CFAP52: variants seen among roughly 807,000 people sequenced by gnomAD.
The protein encoded by CFAP52 is cilia- and flagella-associated protein 52.
CFAP52 carries 57 observed loss-of-function variants against 70.5 expected under a neutral mutation model. The ratio of observed to expected loss-of-function variants is 0.81; its 90% confidence interval spans 0.65 to 1.01. The LOEUF (loss-of-function observed/expected upper bound fraction) is 1.01. Ranked by LOEUF, CFAP52 falls within the 50% of genes least tolerant of loss-of-function variation. CFAP52 has a pLI of 0.00. For missense variants in CFAP52, 785 were observed against 788.5 expected, an observed-to-expected ratio of 1.00 and a Z score of 0.05; for synonymous variants, 267 against 292.5, an observed-to-expected ratio of 0.91 and a Z score of 0.89.
chr17:9,578,051 C>G (rs1168568125), intron 1 of CFAP52, among the ~76,000 whole-genome samples: 2 of 152,188 alleles, frequency 1.3e-5, no homozygotes. Flanking sequence ...AAGGTCACGC[C>G]ACTGCACTCC....
rs1022649622 is a variant in CFAP52, at chr17:9,576,649, G to C, written c.-47G>C. ...TCCGTTACCATAACGACCAGAAGAC[G>C]CTGCAGCCACTAGGGAGGAGAGCAA... On this transcript the variant is annotated 5_prime_UTR_variant, in exon 1 of 14. Transcript: ENST00000352665. 9 of 1,544,476 alleles carry C rather than the reference G, an allele frequency of 5.8e-6. No individual in the cohort carries two copies. The highest frequency in any genetic ancestry group is 7.9e-6 in the Non-Finnish European group (9 of 1,133,986).
chr17:9,602,435 C>G (rs1909312306), intron 6 of CFAP52, among the ~76,000 whole-genome samples: 1 of 152,064 alleles, frequency 6.6e-6, no homozygotes, highest in Non-Finnish European at 1.5e-5. Context: ...TCATCCATGT[C>G]CCTGCAAAGG....
At position 9,643,192 on chromosome 17, in the gene CFAP52, C is replaced by T; in HGVS notation, c.1857C>T (p.Thr619=). 6.2e-7 allele frequency: 1 copy of T among 1,604,544 alleles called. No individual in the cohort carries two copies. Among genetic ancestry groups the T allele is most frequent in the Non-Finnish European group, 8.5e-7 (1 of 1,174,834 alleles). The change falls in exon 14 of 14, where the codon ACC becomes ACT. Residue 619 remains threonine, a synonymous_variant. Transcript: ENST00000352665. ...TTTTGCGATGGAAGTACCCATATAC[C>T]TCCTGAAGCTGATGAGATGTCTCTG... The part of the protein sequence containing the change: ...GAILRWKYPY[T]S
intron 9 of CFAP52, 110 bp downstream of exon 9, chr17:9,628,930 A>T: frequency 6.8e-7 from 1 of 1,472,150 alleles, no homozygotes; most frequent in South Asian, 1.3e-5. Context: ...ACAGCCTCCC[A>T]CTGTCCACCC....
At chr17:9,638,912 C>T in intron 12 of CFAP52, 1 of 587,316 alleles carries the variant, frequency 1.7e-6, no homozygotes, top group Non-Finnish European at 3.0e-6. Context: ...AATGGTACCA[C>T]TGACCTCATA....
chr17:9,601,268 G>C (rs979760420), intron 6 of CFAP52, among the ~76,000 whole-genome samples: 1 of 123,296 alleles, frequency 8.1e-6, no homozygotes, highest in Non-Finnish European at 1.6e-5. Context: ...GTTGTGGGGT[G>C]GGGGGAGGGG....
intron 1 of CFAP52, among the ~76,000 whole-genome samples, 176 bp from the exon 2 acceptor site, chr17:9,585,597 G>C (rs1462042833): frequency 1.4e-5 from 1 of 72,416 alleles, no homozygotes. Context: ...CTTGAACCCA[G>C]GAGGTGAAGG....
At chr17:9,604,524 T>C in intron 6 of CFAP52, among the ~76,000 whole-genome samples, 1 of 151,980 alleles carries the variant, frequency 6.6e-6, no homozygotes, top group East Asian at 1.9e-4. Context: ...TCCCAGCACT[T>C]TGGGAGGCTG....
intron 5 of CFAP52, among the ~76,000 whole-genome samples, chr17:9,598,764 A>AAAAAAAAAT (rs1909135066): frequency 6.6e-6 from 1 of 151,456 alleles, no homozygotes. Flanking sequence ...CTGTTTCAAA[A>AAAAAAAAAT]AAAAAAGAAG....
intron 3 of CFAP52, among the ~76,000 whole-genome samples, chr17:9,589,732 C>CAAAA (rs33978485): frequency 3.9e-5 from 5 of 127,494 alleles, no homozygotes; most frequent in African/African-American, 1.6e-4. Flanking sequence ...GACTCCGTCT[C>CAAAA]AAAAAAAAAA....
intron 8 of CFAP52, among the ~76,000 whole-genome samples, chr17:9,624,184 G>C (rs1910154196): frequency 6.6e-6 from 1 of 151,832 alleles, no homozygotes; most frequent in African/African-American, 2.4e-5. Context: ...CTTAGCATTT[G>C]TTAAACTTTT....
chr17:9,603,442 C>G (rs1909358176), intron 6 of CFAP52, among the ~76,000 whole-genome samples: 1 of 152,132 alleles, frequency 6.6e-6, no homozygotes, highest in Admixed American at 6.6e-5. Flanking sequence ...ATCTCCTGAC[C>G]CCGTGATCCA....
chr17:9,643,156 C>T lies in CFAP52; in HGVS notation c.1821C>T (p.Ala607=), dbSNP rs538016170. 1.7e-5 allele frequency: 27 copies of T among 1,612,426 alleles called. No individual in the cohort carries two copies. Among genetic ancestry groups the T allele is most frequent in the Middle Eastern group, 1.7e-4 (1 of 6,060 alleles). The change falls in exon 14 of 14, where the codon GCC becomes GCT. Residue 607 remains alanine, a synonymous_variant. Transcript: ENST00000352665. ...PGNQYIVSVS[A]DGAILRWKYP... ...ATCAATATATTGTTAGTGTAAGTGC[C>T]GATGGAGCCATTTTGCGATGGAAGT... is the stretch of plus-strand genomic sequence containing the variant.
Position 9,612,444 on chromosome 17 carries a change from T to C in CFAP52, c.990T>C (p.Cys330=). 1 of 1,614,198 alleles carries C rather than the reference T, an allele frequency of 6.2e-7. No individual in the cohort carries two copies. The change falls in exon 8 of 14, where the codon TGT becomes TGC. Residue 330 remains cysteine (C), a synonymous_variant. Coordinates refer to ENST00000352665, the MANE Select transcript of CFAP52 (RefSeq NM_145054.5). ...TCAAAGAGACGCTCATAGCGACTTG[T>C]CACTTTGATGCTGTCGAGGATATTG... ...TDFKETLIAT[C]HFDAVEDIVF...
chr17:9,610,013 CAGAGACAGAG>C (rs1393085426), intron 7 of CFAP52, among the ~76,000 whole-genome samples: 2 of 150,834 alleles, frequency 1.3e-5, no homozygotes, highest in Non-Finnish European at 3.0e-5. Flanking sequence ...GAGAGAGAGA[CAGAGACAGAG>C]AGAGACAGAG....
At position 9,595,167 on chromosome 17, in the gene CFAP52, T is replaced by G. The variant is rs192782894; in HGVS notation, c.536+846T>G. Among the ~76,000 whole-genome samples the G allele has an allele frequency of 1.9e-3, 290 of 152,240 alleles. 1 individual carries two copies. The highest frequency in any genetic ancestry group is 6.8e-3 in the African/African-American group (283 of 41,558). On this transcript the variant is annotated intron_variant, in intron 4 of 13. Coordinates refer to ENST00000352665, the MANE Select transcript of CFAP52 (RefSeq NM_145054.5). ...TTGAAGGGAAGGTTAAATATGAATT[T>G]TAGAAATCCTTTTTTAATGTTATAT... is the stretch of plus-strand genomic sequence containing the variant.
chr17:9,598,230 A>G lies in CFAP52; in HGVS notation c.537-4A>G, dbSNP rs769532217. On this transcript the variant is annotated splice_polypyrimidine_tract_variant and splice_region_variant and intron_variant, in intron 4 of 13. Coordinates refer to ENST00000352665, the MANE Select transcript of CFAP52 (RefSeq NM_145054.5). ...GTGGTTTTTTGTTTTTTTTTTTTACATAGTGGGACAATTCGAGTATGGGAA... is the reference window on the plus strand; with the variant it reads ...GTGGTTTTTTGTTTTTTTTTTTTACGTAGTGGGACAATTCGAGTATGGGAA... 4 of 1,591,890 alleles carry G rather than the reference A, an allele frequency of 2.5e-6. No individual in the cohort carries two copies. Among genetic ancestry groups the G allele is most frequent in the African/African-American group, 1.4e-5 (1 of 72,704 alleles).
chr17:9,635,270 C>T, intron 10 of CFAP52, 135 bp from the exon 11 acceptor site: 1 of 1,247,078 alleles, frequency 8.0e-7, no homozygotes, highest in South Asian at 1.5e-5. Context: ...TCACACCCCA[C>T]CCAACCGAGA....
At chr17:9,633,317 G>A (rs536782316) in intron 10 of CFAP52, among the ~76,000 whole-genome samples, 25 of 152,116 alleles carry the variant, frequency 1.6e-4, no homozygotes, top group Non-Finnish European at 2.9e-4. Context: ...CGATTCTCCT[G>A]CCTCAGCCTC....
Sources: allele counts gnomAD v4.1 joint callset (sites outside exome capture counted in the v4.1 genomes callset), GRCh38; gene constraint gnomAD v4.1.1; transcripts MANE v1.5; gene names NCBI Gene and HGNC (gene_info 2026-07-23, HGNC 2026-07-21).